Variants in CYSLTR1 observed in about 807,000 individuals in gnomAD.
The protein encoded by CYSLTR1 is cysteinyl leukotriene receptor 1.
CYSLTR1 carries 1 observed loss-of-function variant against 2.1 expected under a neutral mutation model. The observed-to-expected ratio is 0.48, with a 90% CI of 0.17 to 2.28. The LOEUF (loss-of-function observed/expected upper bound fraction) is 2.28. CYSLTR1 is among the 30% of genes most tolerant of loss of function. The probability of loss-of-function intolerance (pLI) is 0.26; values close to 1 mark genes in which losing one functional copy is unlikely to be tolerated. For missense variants in CYSLTR1, 299 were observed against 250.1 expected (o/e 1.20, Z -1.32); for synonymous variants, 110 against 89.6 (o/e 1.23, Z -1.28).
chrX:78,320,377 C>G (rs1409352227), intron 1 of CYSLTR1: 1 of 111,692 alleles, frequency 9.0e-6, no homozygotes, highest in African/African-American at 3.3e-5. Context: ...ATCCTTTCCC[C>G]ATTGCTTGTT....
At chrX:78,298,504 T>G (rs1450071870) in intron 1 of CYSLTR1, among the ~76,000 whole-genome samples, 1 of 111,588 alleles carries the variant, frequency 9.0e-6, no homozygotes, top group Non-Finnish European at 1.9e-5. Context: ...TACTGGGGCC[T>G]ATGTCTCTCT....
intron 1 of CYSLTR1, among the ~76,000 whole-genome samples, chrX:78,289,510 T>C (rs764369918): frequency 8.9e-6 from 1 of 112,171 alleles, no homozygotes; most frequent in South Asian, 3.7e-4. Flanking sequence ...ATGGTATTTC[T>C]AGTTCTAGAT....
At chrX:78,302,718 C>T (rs753783334) in intron 1 of CYSLTR1, among the ~76,000 whole-genome samples, 18 of 110,808 alleles carry the variant, frequency 1.6e-4, no homozygotes, top group Non-Finnish European at 3.4e-4. Context: ...TGTCCAGGAA[C>T]TGGGATCTGG....
chrX:78,276,792 C>A lies in CYSLTR1; in HGVS notation c.-27-3019G>T, dbSNP rs1404133608. Among the ~76,000 whole-genome samples, 6 of 110,347 alleles carry A rather than the reference C, an allele frequency of 5.4e-5. 1 individual carries two copies. In the East Asian group the frequency reaches 1.7e-3, roughly 31 times the overall value. ...GGAGATTGGCACACTACAAATTGAT[C>A]CTTGGAAAAAAGGCATTGAAAGTGG... On this transcript the variant is annotated intron_variant, in intron 2 of 2. Coordinates refer to ENST00000373304, the MANE Select transcript of CYSLTR1 (RefSeq NM_006639.4).
chrX:78,290,519 T>C (rs971808111), intron 1 of CYSLTR1, among the ~76,000 whole-genome samples: 1 of 111,986 alleles, frequency 8.9e-6, no homozygotes, highest in Admixed American at 9.5e-5. Context: ...GGTAGCTTGA[T>C]GATGATGGCA....
intron 1 of CYSLTR1, among the ~76,000 whole-genome samples, chrX:78,285,278 G>A (rs948640481): frequency 4.5e-5 from 5 of 110,005 alleles, no homozygotes; most frequent in Admixed American, 9.7e-5. Context: ...AAAATTAGCC[G>A]GGCATGGTGG....
chrX:78,283,516 G>T lies in CYSLTR1; in HGVS notation c.-90C>A, dbSNP rs1047680135. 1 of 111,917 alleles carries T rather than the reference G, an allele frequency of 8.9e-6. No individual in the cohort carries two copies. The highest frequency in any genetic ancestry group is 1.9e-5 in the Non-Finnish European group (1 of 53,187). The allele number at this position is 111,917 out of a possible 1,213,427, so 9.2% of individuals were successfully genotyped here. ...TCTTATGGTGATCAATGCCTTTTACGGTGTAATATTAGAGGAAGCCCACGC... is the reference window on the plus strand; with the variant it reads ...TCTTATGGTGATCAATGCCTTTTACTGTGTAATATTAGAGGAAGCCCACGC... On this transcript the variant is annotated 5_prime_UTR_variant, in exon 2 of 3. Coordinates refer to ENST00000373304, the MANE Select transcript of CYSLTR1 (RefSeq NM_006639.4).
intron 1 of CYSLTR1, among the ~76,000 whole-genome samples, chrX:78,284,129 A>T (rs903120926): frequency 8.9e-6 from 1 of 112,064 alleles, no homozygotes; most frequent in Non-Finnish European, 1.9e-5. Context: ...TTTGTAGTTA[A>T]CTTTTCATAA....
Position 78,320,322 on chromosome X carries a change from G to T in CYSLTR1, c.-115+6983C>A, listed in dbSNP as rs866742735. 14 of 111,521 alleles carry T rather than the reference G, an allele frequency of 1.3e-4. No homozygotes were observed. The East Asian group carries it at 2.5e-3, about 20-fold the overall frequency. The allele number at this position is 111,521 out of a possible 1,213,427, so 9.2% of individuals were successfully genotyped here. A position where few individuals can be genotyped will look rare whatever the true frequency, so the allele number is the denominator to read the frequency against. On this transcript the variant is annotated intron_variant, in intron 1 of 2. Coordinates refer to ENST00000373304, the MANE Select transcript of CYSLTR1 (RefSeq NM_006639.4). ...GGAAGGGATCCAGTTTCAGCTTTCT[G>T]CATATGGCTAGCCAGTTTTCCCAGC... is the stretch of plus-strand genomic sequence containing the variant.
intron 1 of CYSLTR1, among the ~76,000 whole-genome samples, chrX:78,316,784 C>T (rs1051520493): frequency 3.6e-5 from 4 of 111,915 alleles, no homozygotes; most frequent in Non-Finnish European, 7.5e-5. Context: ...GCAAGCCACA[C>T]GTAGAAGAAT....
At chrX:78,285,294 G>T (rs1922017512) in intron 1 of CYSLTR1, among the ~76,000 whole-genome samples, 1 of 109,750 alleles carries the variant, frequency 9.1e-6, no homozygotes, top group South Asian at 3.9e-4. Context: ...GGTGGCGGGC[G>T]CCTTTAGTCC....
chrX:78,299,897 C>A (rs1922743624), intron 1 of CYSLTR1, among the ~76,000 whole-genome samples: 1 of 110,189 alleles, frequency 9.1e-6, no homozygotes, highest in Non-Finnish European at 1.9e-5. Context: ...ATTTCTTTGT[C>A]TACCTCCTCT....
chrX:78,310,526 A>T (rs1295001831), intron 1 of CYSLTR1, among the ~76,000 whole-genome samples: 7 of 112,457 alleles, frequency 6.2e-5, no homozygotes, highest in Non-Finnish European at 1.3e-4. Context: ...TCGGTGCTAG[A>T]TATTTGGAAA....
chrX:78,299,877 T>G (rs1237287707), intron 1 of CYSLTR1, among the ~76,000 whole-genome samples: 2 of 111,675 alleles, frequency 1.8e-5, no homozygotes, highest in Non-Finnish European at 3.8e-5. Context: ...TGAACATGCT[T>G]TCTACCCCTA....
At chrX:78,301,169 G>A (rs1242430832) in intron 1 of CYSLTR1, among the ~76,000 whole-genome samples, 1 of 112,265 alleles carries the variant, frequency 8.9e-6, no homozygotes, top group Non-Finnish European at 1.9e-5. Flanking sequence ...TGTGATGGGA[G>A]GGGCTGCTGC....
intron 2 of CYSLTR1, among the ~76,000 whole-genome samples, chrX:78,274,217 A>G (rs1246048283): frequency 9.0e-6 from 1 of 111,533 alleles, no homozygotes; most frequent in Non-Finnish European, 1.9e-5. Context: ...TAAAATCTGG[A>G]TGAAAATCCT....
At chrX:78,286,050 T>A (rs1181430708) in intron 1 of CYSLTR1, among the ~76,000 whole-genome samples, 8 of 112,064 alleles carry the variant, frequency 7.1e-5, no homozygotes, top group African/African-American at 2.6e-4. Flanking sequence ...AAGCCCCTAT[T>A]CTTATAAGGA....
chrX:78,303,733 C>T (rs1603411286), intron 1 of CYSLTR1, among the ~76,000 whole-genome samples: 1 of 111,868 alleles, frequency 8.9e-6, no homozygotes, highest in Admixed American at 9.5e-5. Flanking sequence ...AGACAATAAA[C>T]ATAGTGGAAA....
intron 1 of CYSLTR1, chrX:78,320,025 G>A (rs1336442204): frequency 8.9e-6 from 1 of 111,745 alleles, no homozygotes; most frequent in Non-Finnish European, 1.9e-5. Flanking sequence ...TGTCAGATGA[G>A]TAGATTGCAA....
Sources: allele counts gnomAD v4.1 joint callset (sites outside exome capture counted in the v4.1 genomes callset), GRCh38; gene constraint gnomAD v4.1.1; transcripts MANE v1.5; gene names NCBI Gene and HGNC (gene_info 2026-07-23, HGNC 2026-07-21).